RNF24: variants seen among roughly 807,000 people sequenced by gnomAD.
RNF24 encodes the protein ring finger protein 24.
A neutral mutation model predicts 20.0 loss-of-function variants in RNF24; 14 were observed. That is an observed-to-expected ratio of 0.70 (90% confidence interval 0.46 to 1.10). The LOEUF (loss-of-function observed/expected upper bound fraction) is 1.10. RNF24 is among the 50% of genes least tolerant of loss of function. RNF24 has a pLI of 0.00. For missense variants in RNF24, 124 were observed against 177.6 expected (o/e 0.70, Z 1.71); for synonymous variants, 45 against 61.1 (o/e 0.74, Z 1.23).
chr20:3,949,946 T>C (rs1294375658), intron 2 of RNF24, among the ~76,000 whole-genome samples: 2 of 152,228 alleles, frequency 1.3e-5, no homozygotes, highest in Admixed American at 6.5e-5. Flanking sequence ...CTATGATCCA[T>C]CTGAAATTGG....
At chr20:3,998,178 G>C (rs372885251) in intron 1 of RNF24, among the ~76,000 whole-genome samples, 7 of 151,258 alleles carry the variant, frequency 4.6e-5, no homozygotes, top group African/African-American at 1.7e-4. Flanking sequence ...TGGTGGCTCA[G>C]GCTTGTAATC....
chr20:3,983,863 C>A (rs1979640215), intron 1 of RNF24, among the ~76,000 whole-genome samples: 2 of 143,272 alleles, frequency 1.4e-5, no homozygotes, highest in Non-Finnish European at 3.0e-5. Flanking sequence ...ATCACTTGAA[C>A]CCAGGAGGTG....
intron 2 of RNF24, among the ~76,000 whole-genome samples, chr20:3,954,576 C>T (rs1166947453): frequency 6.6e-6 from 1 of 151,992 alleles, no homozygotes; most frequent in Non-Finnish European, 1.5e-5. Flanking sequence ...TGGGTATATA[C>T]CTAGGAATGA....
chr20:3,977,682 G>T (rs952038006), intron 1 of RNF24, among the ~76,000 whole-genome samples: 1 of 151,848 alleles, frequency 6.6e-6, no homozygotes, highest in African/African-American at 2.4e-5. Context: ...TGGCTAACAC[G>T]GTGAAACCCC....
intron 1 of RNF24, among the ~76,000 whole-genome samples, chr20:4,007,729 C>T (rs1329442201): frequency 7.7e-6 from 1 of 129,596 alleles, no homozygotes; most frequent in Non-Finnish European, 1.6e-5. Context: ...TAGTGAGACC[C>T]TGTCTCTACA....
rs547802744 is a variant in RNF24 at position 4,000,079 on chromosome 20, T to C, written c.-8+15358A>G. Among the ~76,000 whole-genome samples the C allele has an allele frequency of 1.5e-3, 233 of 152,278 alleles. 1 individual carries two copies. The highest frequency in any genetic ancestry group is 5.4e-3 in the African/African-American group (223 of 41,556). On this transcript the variant is annotated intron_variant, in intron 1 of 5. Coordinates refer to ENST00000358395, the MANE Select transcript of RNF24 (RefSeq NM_001134337.3). The stretch of plus-strand genomic sequence containing the variant: ...TGGAATAATGATAACTAAAATGTTC[T>C]AAAATTGATTGTGGTGATAGACAGA...
At position 3,933,907 on chromosome 20, in the gene RNF24, C is replaced by G; in HGVS notation, c.*156G>C. On this transcript the variant is annotated 3_prime_UTR_variant, in exon 6 of 6. Transcript: ENST00000358395. ...TTTGGTTGTCACAAGACCCAGACAC[C>G]TAGGTTCCCAGTTTGGCTGGCCCAA... is the stretch of plus-strand genomic sequence containing the variant. 1 of 623,664 alleles carries G rather than the reference C, an allele frequency of 1.6e-6. No individual in the cohort carries two copies. Among genetic ancestry groups the G allele is most frequent in the Non-Finnish European group, 2.5e-6 (1 of 405,508 alleles). The allele number at this position is 623,664 out of a possible 1,614,324, so 38.6% of individuals were successfully genotyped here. A position where few individuals can be genotyped will look rare whatever the true frequency, so the allele number is the denominator to read the frequency against.
intron 1 of RNF24, among the ~76,000 whole-genome samples, chr20:3,977,919 AC>A (rs1490194818): frequency 4.6e-5 from 7 of 151,908 alleles, no homozygotes; most frequent in Non-Finnish European, 8.8e-5. Context: ...CACACAAAAA[AC>A]CCCAGAAAGA....
rs959134987 is a variant in RNF24 at position 3,934,496 on chromosome 20, A to C, written c.309-295T>G. 5.9e-5 allele frequency among the ~76,000 whole-genome samples: 9 copies of C among 152,220 alleles called. No individual in the cohort carries two copies. The highest frequency in any genetic ancestry group is 2.2e-4 in the African/African-American group (9 of 41,456). On this transcript the variant is annotated intron_variant, in intron 5 of 5. Coordinates refer to ENST00000358395, the MANE Select transcript of RNF24 (RefSeq NM_001134337.3). This position sits in a 1 kb window ranked among gnomAD's most constrained non-coding sequence, Gnocchi z 4.0. ...TCAGTTACCCATGACTTCTTACAAG[A>C]ACAAAATACACTGAGCAGGGATGTG...
At chr20:3,987,050 G>A (rs1268085133) in intron 1 of RNF24, among the ~76,000 whole-genome samples, 1 of 152,158 alleles carries the variant, frequency 6.6e-6, no homozygotes, top group Non-Finnish European at 1.5e-5. Context: ...TGGGATTACA[G>A]GCGTAAGCCA....
At position 3,933,454 on chromosome 20, in the gene RNF24, C is replaced by T; in HGVS notation, c.*609G>A. Reference sequence around the variant, plus strand: ...TGACTAGGCCTTTCCAAGCGCATCTCATGTTTTCAGCTTAGATGATTTGAT... The same window carrying T: ...TGACTAGGCCTTTCCAAGCGCATCTTATGTTTTCAGCTTAGATGATTTGAT... On this transcript the variant is annotated 3_prime_UTR_variant, in exon 6 of 6. Transcript: ENST00000358395. The T allele has an allele frequency of 2.9e-6, 1 of 339,906 alleles. No individual in the cohort carries two copies. Among genetic ancestry groups the T allele is most frequent in the Non-Finnish European group, 5.3e-6 (1 of 189,690 alleles). The allele number at this position is 339,906 out of a possible 1,614,324, so 21.1% of individuals were successfully genotyped here.
At chr20:4,008,254 G>C (rs1982040016) in intron 1 of RNF24, among the ~76,000 whole-genome samples, 1 of 137,272 alleles carries the variant, frequency 7.3e-6, no homozygotes, top group African/African-American at 2.8e-5. Context: ...AAGTGAAAGA[G>C]CTGGAATTCA....
chr20:3,960,897 G>A (rs1446159264), intron 2 of RNF24, among the ~76,000 whole-genome samples: 5 of 151,854 alleles, frequency 3.3e-5, no homozygotes, highest in Non-Finnish European at 5.9e-5. Flanking sequence ...GGGTTCAAGC[G>A]ATTCTCATGC....
intron 1 of RNF24, among the ~76,000 whole-genome samples, chr20:3,965,179 G>A (rs1264177366): frequency 6.6e-6 from 1 of 152,076 alleles, no homozygotes; most frequent in Non-Finnish European, 1.5e-5. Flanking sequence ...ACCAAAGATT[G>A]ACAATGGAAT....
At chr20:4,001,023 T>G (rs1981342802) in intron 1 of RNF24, among the ~76,000 whole-genome samples, 1 of 152,148 alleles carries the variant, frequency 6.6e-6, no homozygotes, top group Admixed American at 6.5e-5. Context: ...TCCTAGCACT[T>G]TGGGAGGCCG....
At chr20:4,013,926 T>C (rs972240398) in intron 1 of RNF24, among the ~76,000 whole-genome samples, 6 of 152,240 alleles carry the variant, frequency 3.9e-5, no homozygotes, top group East Asian at 1.9e-4. Flanking sequence ...TTCATATCAT[T>C]TGTTTTAAAA....
chr20:4,015,546 G>C lies in RNF24; in HGVS notation c.-117C>G, dbSNP rs1404466363. The C allele has an allele frequency of 6.6e-5, 10 of 150,794 alleles. No individual in the cohort carries two copies. The highest frequency in any genetic ancestry group is 7.4e-5 in the Non-Finnish European group (5 of 67,574). 9.3% of individuals were successfully genotyped at this position (150,794 alleles called of 1,614,324 possible). ...CCGGACAGAGCGCGGCGGAGGTGGC[G>C]GCGGCTGACTGCGCCCGGCGGCCCC... On this transcript the variant is annotated 5_prime_UTR_variant, in exon 1 of 6. Transcript: ENST00000358395.
At chr20:3,977,709 C>CA (rs1293203987) in intron 1 of RNF24, among the ~76,000 whole-genome samples, 1 of 151,656 alleles carries the variant, frequency 6.6e-6, no homozygotes, top group Non-Finnish European at 1.5e-5. Flanking sequence ...ACTAAAAATA[C>CA]AAAAAATTAG....
At chr20:3,975,669 T>G (rs1044643696) in intron 1 of RNF24, among the ~76,000 whole-genome samples, 7 of 152,192 alleles carry the variant, frequency 4.6e-5, no homozygotes, top group African/African-American at 1.7e-4. Flanking sequence ...TTAATTCAGA[T>G]GTAATTAAGA....
Sources: gnomAD v4.1 joint callset for allele counts (sites outside exome capture counted in the v4.1 genomes callset) on GRCh38, gnomAD v4.1.1 for gene constraint, Gnocchi (gnomAD v3.1) non-coding constraint, MANE v1.5 for transcripts, NCBI Gene and HGNC (gene_info 2026-07-23, HGNC 2026-07-21) for gene names.